The following CCNJ variants were observed in gnomAD, a reference collection of about 807,000 sequenced individuals.
CCNJ encodes cyclin J, also known as cyclin-J.
In CCNJ, 12 loss-of-function variants were observed where a neutral mutation model predicts 41.4. The observed-to-expected ratio is 0.29, with a 90% CI of 0.19 to 0.47. The LOEUF (loss-of-function observed/expected upper bound fraction) is 0.47. Among genes scored for constraint, CCNJ ranks in the 20% least tolerant of loss-of-function variants. The pLI is 1.00. For missense variants in CCNJ, 340 were observed against 464.6 expected (o/e 0.73, Z 2.47); for synonymous variants, 161 against 173.4 (o/e 0.93, Z 0.56).
chr10:96,043,491 G>T, upstream of CCNJ: 3 of 389,346 alleles, frequency 7.7e-6, no homozygotes, highest in South Asian at 2.7e-4. Flanking sequence ...GGCTCGGGGC[G>T]ACCCCGCTGT....
intron 1 of CCNJ, among the ~76,000 whole-genome samples, chr10:96,043,927 AC>A (rs1227923506): frequency 2.0e-5 from 3 of 151,960 alleles, no homozygotes; most frequent in African/African-American, 7.3e-5. Flanking sequence ...GCAGACGCTC[AC>A]CCCCGGGCTT....
chr10:96,044,524 G>T, intron 2 of CCNJ, 62 bp downstream of exon 2: 1 of 1,327,074 alleles, frequency 7.5e-7, no homozygotes, highest in Non-Finnish European at 1.0e-6. Flanking sequence ...TCTGAATCTC[G>T]GCTCTCTAGA....
intron 5 of CCNJ, 94 bp downstream of exon 5, chr10:96,057,341 TC>T: frequency 1.9e-6 from 2 of 1,079,122 alleles, no homozygotes; most frequent in East Asian, 2.4e-5. Context: ...GGCACAGAGT[TC>T]CTAGGTTATT....
intron 2 of CCNJ, among the ~76,000 whole-genome samples, chr10:96,047,373 A>G (rs1019806012): frequency 8.5e-5 from 13 of 152,204 alleles, no homozygotes; most frequent in African/African-American, 3.1e-4. Context: ...TTGGCCAGGC[A>G]TGGTGGCTCA....
rs962927742 is a variant in CCNJ at position 96,060,440 on chromosome 10, G to A, written c.*2199G>A. ...ACTGGATTAATAATCTTTTGGGAGG[G>A]TAGAATAAAATAATTGATTACTATT... On this transcript the variant is annotated 3_prime_UTR_variant, in exon 6 of 6. Transcript: ENST00000465148. 3 of 152,514 alleles carry A rather than the reference G, an allele frequency of 2.0e-5. No homozygotes were observed. Among genetic ancestry groups the A allele is most frequent in the Admixed American group, 2.0e-4 (3 of 15,258 alleles). The allele number at this position is 152,514 out of a possible 1,614,324, so 9.4% of individuals were successfully genotyped here. A position where few individuals can be genotyped will look rare whatever the true frequency, so the allele number is the denominator to read the frequency against.
At chr10:96,052,492 C>T (rs911940758) in intron 3 of CCNJ, among the ~76,000 whole-genome samples, 15 of 152,144 alleles carry the variant, frequency 9.9e-5, no homozygotes, top group African/African-American at 3.4e-4. Context: ...TAAAGTGTAG[C>T]GTGGGCCAAG....
At chr10:96,048,374 T>C (rs1388019467) in intron 2 of CCNJ, among the ~76,000 whole-genome samples, 2 of 152,212 alleles carry the variant, frequency 1.3e-5, no homozygotes. Flanking sequence ...TCTTCCACAA[T>C]GGTTGAACTA....
chr10:96,053,645 T>G (rs2080594638), intron 3 of CCNJ, among the ~76,000 whole-genome samples: 1 of 152,202 alleles, frequency 6.6e-6, no homozygotes, highest in African/African-American at 2.4e-5. Flanking sequence ...CTCAAGATCT[T>G]ACATAACTAA....
At chr10:96,053,944 T>TC (rs555507305) in intron 3 of CCNJ, among the ~76,000 whole-genome samples, 10 of 152,212 alleles carry the variant, frequency 6.6e-5, no homozygotes, top group African/African-American at 2.4e-4. Context: ...ATGACTTTTT[T>TC]CCCCCTACTT....
At chr10:96,048,173 C>T (rs2080417478) in intron 2 of CCNJ, among the ~76,000 whole-genome samples, 1 of 152,122 alleles carries the variant, frequency 6.6e-6, no homozygotes, top group Non-Finnish European at 1.5e-5. Context: ...CACATTTTAT[C>T]CAGTCTATCA....
intron 2 of CCNJ, 110 bp downstream of exon 2, chr10:96,044,572 C>T: frequency 2.4e-6 from 2 of 828,002 alleles, no homozygotes; most frequent in Non-Finnish European, 3.4e-6. Context: ...TCTTCCGGGC[C>T]AGAAAAGGCG....
chr10:96,044,524 G>A, intron 2 of CCNJ, 62 bp downstream of exon 2: 2 of 1,327,072 alleles, frequency 1.5e-6, no homozygotes, highest in East Asian at 2.7e-5. Flanking sequence ...TCTGAATCTC[G>A]GCTCTCTAGA....
chr10:96,043,778 CGGACCCTCCCGGGGTGA>C, intron 1 of CCNJ, 59 bp downstream of exon 1: 1 of 386,334 alleles, frequency 2.6e-6, no homozygotes, highest in Non-Finnish European at 4.6e-6. Context: ...CGTGGGGCAG[CGGACCCTCCCGGGGTGA>C]GGCGCAGAGC....
intron 2 of CCNJ, among the ~76,000 whole-genome samples, chr10:96,044,815 A>C (rs888260510): frequency 6.6e-6 from 1 of 152,214 alleles, no homozygotes; most frequent in African/African-American, 2.4e-5. Context: ...CGTTGCATGC[A>C]GCCAGTTTAA....
Position 96,050,369 on chromosome 10 carries a change from C to T in CCNJ, c.183C>T (p.Arg61=). The change falls in exon 3 of 6, where the codon CGC becomes CGT. Residue 61 remains arginine (R), a synonymous_variant. Transcript: ENST00000465148. ...SNRFTLCPSA[R]HLAVYLLDLF... ...GCTTCACACTCTGCCCTTCTGCCCG[C>T]CATCTTGCTGTCTATTTACTGGACC... The T allele has an allele frequency of 1.2e-6, 2 of 1,614,080 alleles. No individual in the cohort carries two copies. The highest frequency in any genetic ancestry group is 1.7e-6 in the Non-Finnish European group (2 of 1,179,984).
At position 96,056,778 on chromosome 10, in the gene CCNJ, C is replaced by T. The variant is rs930905431; in HGVS notation, c.358C>T (p.Leu120=). Residue 120 remains leucine, a synonymous_variant, in exon 4 of 6, where the codon CTA becomes TTA. Coordinates refer to ENST00000465148, the MANE Select transcript of CCNJ (RefSeq NM_001134375.2). ...NSLGCMTNMN[L]VLTKQNLLHM... ...CCTGGGTTGTATGACTAATATGAATCTAGTATTAACAAAACAAAATTTGCT... is the reference window on the plus strand; with the variant it reads ...CCTGGGTTGTATGACTAATATGAATTTAGTATTAACAAAACAAAATTTGCT... 19 of 1,613,090 alleles carry T rather than the reference C, an allele frequency of 1.2e-5. No homozygotes were observed. Among genetic ancestry groups the T allele is most frequent in the Non-Finnish European group, 1.6e-5 (19 of 1,179,206 alleles).
rs1246250629 is a variant in CCNJ at position 96,058,687 on chromosome 10, T to A, written c.*446T>A. ...TACAGTATTAATTTTTGAAAAGGTT[T>A]TTTTTATTCTGCAATTTTTTATTTT... On this transcript the variant is annotated 3_prime_UTR_variant, in exon 6 of 6. Transcript: ENST00000465148. 2.5e-6 allele frequency: 1 copy of A among 398,032 alleles called. No homozygotes were observed. The highest frequency in any genetic ancestry group is 4.4e-6 in the Non-Finnish European group (1 of 225,954). The allele number at this position is 398,032 out of a possible 1,614,324, so 24.7% of individuals were successfully genotyped here. A position where few individuals can be genotyped will look rare whatever the true frequency, so the allele number is the denominator to read the frequency against.
intron 3 of CCNJ, among the ~76,000 whole-genome samples, chr10:96,053,639 A>G (rs1384060153): frequency 6.6e-6 from 1 of 152,210 alleles, no homozygotes; most frequent in Admixed American, 6.5e-5. Context: ...AATTTGCTCA[A>G]GATCTTACAT....
chr10:96,047,977 C>T (rs1020562772), intron 2 of CCNJ, among the ~76,000 whole-genome samples: 2 of 150,404 alleles, frequency 1.3e-5, no homozygotes, highest in Non-Finnish European at 3.0e-5. Flanking sequence ...TGTTGTTCCC[C>T]GCAACATGTG....
Sources: gnomAD v4.1 joint callset for allele counts (sites outside exome capture counted in the v4.1 genomes callset) on GRCh38, gnomAD v4.1.1 for gene constraint, MANE v1.5 for transcripts, NCBI Gene and HGNC (gene_info 2026-07-23, HGNC 2026-07-21) for gene names.